The following DENND5B variants were observed in gnomAD, a reference collection of about 807,000 sequenced individuals.
DENND5B encodes the protein DENN domain-containing protein 5B.
In DENND5B, 34 loss-of-function variants were observed where a neutral mutation model predicts 140.6. That is an observed-to-expected ratio of 0.24 (90% CI 0.18 to 0.32). The LOEUF is 0.32. DENND5B is among the 10% of genes least tolerant of loss of function. The pLI, the probability that DENND5B is intolerant of heterozygous loss-of-function variation, is 1.00. For missense variants in DENND5B, 1,142 were observed against 1,560.2 expected, an observed-to-expected ratio of 0.73 and a Z score of 4.52; for synonymous variants, 551 against 562.1, an observed-to-expected ratio of 0.98 and a Z score of 0.28.
chr12:31,422,304 C>T (rs1235975695), intron 11 of DENND5B, among the ~76,000 whole-genome samples: 1 of 151,426 alleles, frequency 6.6e-6, no homozygotes, highest in East Asian at 1.9e-4. Flanking sequence ...CTCACGGGCA[C>T]CTGTAGTCCC....
chr12:31,508,900 C>T (rs1947304921), intron 1 of DENND5B, among the ~76,000 whole-genome samples: 2 of 152,194 alleles, frequency 1.3e-5, no homozygotes, highest in Non-Finnish European at 2.9e-5. Flanking sequence ...CTCAAAGCTA[C>T]TACCTAACGT....
At chr12:31,431,959 A>T in intron 8 of DENND5B, 2 of 643,200 alleles carry the variant, frequency 3.1e-6, no homozygotes, top group Non-Finnish European at 3.9e-6. Flanking sequence ...AGCTATGTGC[A>T]CTCACACATG....
At chr12:31,403,246 T>C (rs1593069450) in intron 14 of DENND5B, among the ~76,000 whole-genome samples, 1 of 152,232 alleles carries the variant, frequency 6.6e-6, no homozygotes, top group East Asian at 1.9e-4. Flanking sequence ...TTGAAAGCTA[T>C]TAAGGTGACT....
chr12:31,474,184 G>C (rs1398026746), intron 3 of DENND5B, among the ~76,000 whole-genome samples: 1 of 152,210 alleles, frequency 6.6e-6, no homozygotes, highest in African/African-American at 2.4e-5. Context: ...AAGGCACACA[G>C]GCATGCAGTG....
intron 1 of DENND5B, among the ~76,000 whole-genome samples, chr12:31,530,098 C>A (rs529708080): frequency 3.3e-5 from 5 of 152,146 alleles, no homozygotes; most frequent in Non-Finnish European, 5.9e-5. Flanking sequence ...TGCAGCCGGG[C>A]GCGGTGGCTC....
chr12:31,522,701 TC>T (rs960916854), intron 1 of DENND5B, among the ~76,000 whole-genome samples: 1 of 152,194 alleles, frequency 6.6e-6, no homozygotes, highest in Admixed American at 6.5e-5. Flanking sequence ...TGCCCTGGCC[TC>T]ACCCTGGGAC....
intron 1 of DENND5B, chr12:31,541,018 T>C (rs1320573585): frequency 4.4e-6 from 2 of 451,436 alleles, no homozygotes; most frequent in Non-Finnish European, 4.4e-6. Context: ...AGAATGAAGG[T>C]TGACCCCGTA....
intron 1 of DENND5B, among the ~76,000 whole-genome samples, chr12:31,537,098 G>C (rs1948525911): frequency 6.6e-6 from 1 of 152,120 alleles, no homozygotes; most frequent in Non-Finnish European, 1.5e-5. Flanking sequence ...CAATCAGAAA[G>C]AAAAGGACAC....
chr12:31,536,196 A>ATT (rs1362609088), intron 1 of DENND5B, among the ~76,000 whole-genome samples: 3 of 152,070 alleles, frequency 2.0e-5, no homozygotes, highest in Non-Finnish European at 4.4e-5. Context: ...AGGCCAATTA[A>ATT]ACCTCTTTTA....
intron 5 of DENND5B, among the ~76,000 whole-genome samples, chr12:31,448,740 G>A (rs1222684583): frequency 6.6e-6 from 1 of 152,202 alleles, no homozygotes; most frequent in Non-Finnish European, 1.5e-5. Flanking sequence ...GCTGGGCATG[G>A]TGGTGGCCAC....
chr12:31,409,211 T>TTA, intron 14 of DENND5B, 52 bp downstream of exon 14: 1 of 1,487,626 alleles, frequency 6.7e-7, no homozygotes, highest in East Asian at 2.5e-5. Context: ...ATAAATGCTT[T>TTA]TATTGCATTG....
At chr12:31,534,588 A>T (rs1948414497) in intron 1 of DENND5B, 1 of 163,308 alleles carries the variant, frequency 6.1e-6, no homozygotes, top group Non-Finnish European at 1.3e-5. Context: ...AGAACATAAT[A>T]GTAACTACCT....
At chr12:31,392,431 C>T (rs772315680) in intron 18 of DENND5B, 38 bp from the exon 19 acceptor site, 2 of 1,607,518 alleles carry the variant, frequency 1.2e-6, no homozygotes, top group East Asian at 4.5e-5. Context: ...GAAAAATCTC[C>T]TGCATCTATG....
intron 1 of DENND5B, among the ~76,000 whole-genome samples, chr12:31,562,267 G>A (rs1949502736): frequency 6.6e-6 from 1 of 152,088 alleles, no homozygotes; most frequent in Non-Finnish European, 1.5e-5. Flanking sequence ...CAGGTAAAGA[G>A]TACACACATT....
chr12:31,424,755 A>G (rs956188097), intron 9 of DENND5B, 68 bp from the exon 10 acceptor site: 9 of 1,556,750 alleles, frequency 5.8e-6, no homozygotes, highest in South Asian at 1.2e-5. Context: ...GTCAATTACT[A>G]AAGTAGGAGA....
At chr12:31,461,516 G>C (rs895177978) in intron 3 of DENND5B, among the ~76,000 whole-genome samples, 2 of 152,164 alleles carry the variant, frequency 1.3e-5, no homozygotes, top group African/African-American at 2.4e-5. Flanking sequence ...TTTGGAAGTA[G>C]ATATGCTTTA....
At chr12:31,573,441 T>C (rs1419983236) in intron 1 of DENND5B, among the ~76,000 whole-genome samples, 1 of 152,256 alleles carries the variant, frequency 6.6e-6, no homozygotes, top group Non-Finnish European at 1.5e-5. Context: ...AAATACTGAA[T>C]GTGCATACAT....
rs538832749 is a variant in DENND5B, at chr12:31,460,106, A to T, written c.1092+88T>A. The T allele has an allele frequency of 4.8e-5, 62 of 1,300,638 alleles. No individual in the cohort carries two copies. The African/African-American group carries it at 8.3e-4, about 17-fold the overall frequency. 80.6% of individuals were successfully genotyped at this position (1,300,638 alleles called of 1,614,324 possible). ...TAGGAGAGTCAAAGAGACAGATAAA[A>T]TTTTGACAAAGACAATGCAATCTAA... On this transcript the variant is annotated intron_variant, in intron 4 of 20. Transcript: ENST00000389082.
chr12:31,468,754 G>A (rs1282284525), intron 3 of DENND5B, among the ~76,000 whole-genome samples: 3 of 152,144 alleles, frequency 2.0e-5, no homozygotes, highest in South Asian at 2.1e-4. Flanking sequence ...CAAGACTGCA[G>A]TGAGCCTAGA....
Sources: gnomAD v4.1 joint callset for allele counts (sites outside exome capture counted in the v4.1 genomes callset) on GRCh38, gnomAD v4.1.1 for gene constraint, MANE v1.5 for transcripts, NCBI Gene and HGNC (gene_info 2026-07-23, HGNC 2026-07-21) for gene names.